Variants in MYT1L observed in about 807,000 individuals in gnomAD.
MYT1L encodes the protein myelin transcription factor 1 like.
MYT1L carries 12 observed loss-of-function variants against 126.7 expected under a neutral mutation model. That is an observed-to-expected ratio of 0.09 (90% CI 0.06 to 0.15). The LOEUF (loss-of-function observed/expected upper bound fraction) is 0.15, where lower values mean the gene tolerates loss of function less well. Among genes scored for constraint, MYT1L ranks in the 10% least tolerant of loss-of-function variants. The pLI, the probability that MYT1L is intolerant of heterozygous loss-of-function variation, is 1.00. For missense variants in MYT1L, 979 were observed against 1,585.2 expected (o/e 0.62, Z 6.49); for synonymous variants, 541 against 604.2 (o/e 0.90, Z 1.53).
At chr2:2,015,925 G>A (rs185246682) in intron 4 of MYT1L, among the ~76,000 whole-genome samples, 39 of 152,310 alleles carry the variant, frequency 2.6e-4, no homozygotes, top group African/African-American at 8.9e-4. Flanking sequence ...GGGACTCCCA[G>A]GTCAGGAGGC....
In MYT1L at chr2:2,311,929, C is replaced by T. The variant is rs75587223; in HGVS notation, c.-521+19038G>A. 3.3e-5 allele frequency among the ~76,000 whole-genome samples: 5 copies of T among 152,324 alleles called. No individual in the cohort carries two copies. In the East Asian group the frequency reaches 9.6e-4, roughly 29 times the overall value. ...CATTTCTTTGCCACATTTAGGTCCT[C>T]CACCTACCTCACAGAGTGCAAATGA... On this transcript the variant is annotated intron_variant, in intron 1 of 24. Coordinates refer to ENST00000647738, the MANE Select transcript of MYT1L (RefSeq NM_001303052.2).
chr2:2,072,190 G>A (rs1039068429), intron 3 of MYT1L, among the ~76,000 whole-genome samples: 4 of 152,136 alleles, frequency 2.6e-5, no homozygotes, highest in African/African-American at 9.7e-5. Flanking sequence ...TATGTCTTTG[G>A]TGGGCTCTTG....
At chr2:2,257,805 T>C (rs2094860145) in intron 2 of MYT1L, among the ~76,000 whole-genome samples, 1 of 150,454 alleles carries the variant, frequency 6.6e-6, no homozygotes, top group Non-Finnish European at 1.5e-5. Context: ...ATCGTGAAAA[T>C]GGCCATACTG....
In MYT1L at chr2:1,914,057, C is replaced by T. The variant is rs2052457103; in HGVS notation, c.1619-1947G>A. 2.6e-5 allele frequency among the ~76,000 whole-genome samples: 4 copies of T among 152,182 alleles called. No individual in the cohort carries two copies. The South Asian group carries it at 8.3e-4, about 32-fold the overall frequency. ...GATCACAAGGTCAGGAGTTCGAGAC[C>T]AGCCTCACCAATATGGTGAAACCCC... On this transcript the variant is annotated intron_variant, in intron 11 of 24. Coordinates refer to ENST00000647738, the MANE Select transcript of MYT1L (RefSeq NM_001303052.2).
At position 2,217,693 on chromosome 2, in the gene MYT1L, ACAAC is replaced by A. The variant is rs1193562208; in HGVS notation, c.-420-44709_-420-44706del. Among the ~76,000 whole-genome samples, 54 of 106,302 alleles carry A rather than the reference ACAAC, an allele frequency of 5.1e-4. 2 individuals carry two copies. Among genetic ancestry groups the A allele is most frequent in the African/African-American group, 2.1e-3 (51 of 24,068 alleles). The allele number at this position is 106,302 out of a possible 152,430, so 69.7% of individuals were successfully genotyped here. A position where few individuals can be genotyped will look rare whatever the true frequency, so the allele number is the denominator to read the frequency against. Reference sequence around the variant, plus strand: ...CTCAACAACAACAACAACAACAACAACAACAACAACAACAAAAAAAAAAAAAGAA... The same window carrying A: ...CTCAACAACAACAACAACAACAACAAAACAACAACAAAAAAAAAAAAAGAA... On this transcript the variant is annotated intron_variant, in intron 2 of 24. Transcript: ENST00000647738.
intron 1 of MYT1L, among the ~76,000 whole-genome samples, chr2:2,328,011 C>T (rs1204939167): frequency 2.0e-5 from 3 of 152,046 alleles, no homozygotes; most frequent in Non-Finnish European, 4.4e-5. Flanking sequence ...ATGCATGTGA[C>T]TTTGAAAACA....
chr2:2,284,196 A>G (rs1573155146), intron 2 of MYT1L, among the ~76,000 whole-genome samples: 1 of 152,206 alleles, frequency 6.6e-6, no homozygotes, highest in East Asian at 1.9e-4. Flanking sequence ...GTCATAGTTG[A>G]TGTATGAATT....
rs116726256 is a variant in MYT1L, at chr2:1,851,346, T to C, written c.2774+295A>G. ...ATAGTAGATACTGTTCTTTTGCCTT[T>C]ACTCTTCCAATTTAGAAAGAAGTGC... On this transcript the variant is annotated intron_variant, in intron 19 of 24. Coordinates refer to ENST00000647738, the MANE Select transcript of MYT1L (RefSeq NM_001303052.2). Among the ~76,000 whole-genome samples, 2,323 of 152,284 alleles carry C rather than the reference T, an allele frequency of 0.015. 35 individuals carry two copies. The highest frequency in any genetic ancestry group is 0.021 in the Non-Finnish European group (1,399 of 68,030).
chr2:1,962,331 A>C (rs1240670715), intron 8 of MYT1L, among the ~76,000 whole-genome samples: 2 of 152,246 alleles, frequency 1.3e-5, no homozygotes, highest in African/African-American at 4.8e-5. Flanking sequence ...TAAATGTGAA[A>C]TAGTGTTATG....
intron 3 of MYT1L, among the ~76,000 whole-genome samples, chr2:2,147,141 G>A (rs2085008000): frequency 6.6e-6 from 1 of 152,228 alleles, no homozygotes; most frequent in Non-Finnish European, 1.5e-5. Flanking sequence ...AAATCTCTCA[G>A]ACAGGCATTT....
intron 4 of MYT1L, among the ~76,000 whole-genome samples, chr2:2,016,682 T>C (rs1482319421): frequency 6.6e-6 from 1 of 152,102 alleles, no homozygotes; most frequent in African/African-American, 2.4e-5. Flanking sequence ...ATATTTAGAA[T>C]CAAGAGGGAG....
At chr2:2,327,490 A>T (rs1573624020) in intron 1 of MYT1L, among the ~76,000 whole-genome samples, 1 of 144,072 alleles carries the variant, frequency 6.9e-6, no homozygotes, top group South Asian at 2.5e-4. Context: ...TATTCAAAAA[A>T]AGAACTCTTA....
intron 2 of MYT1L, among the ~76,000 whole-genome samples, chr2:2,232,152 A>C (rs933154564): frequency 6.6e-6 from 1 of 152,364 alleles, no homozygotes; most frequent in South Asian, 2.1e-4. Flanking sequence ...GAAAGAGTGA[A>C]GAAAGGATGC....
intron 2 of MYT1L, among the ~76,000 whole-genome samples, chr2:2,187,450 G>T (rs1399589407): frequency 1.3e-5 from 2 of 151,936 alleles, no homozygotes; most frequent in East Asian, 3.9e-4. Flanking sequence ...CGCGTGCGGG[G>T]CTGGCTGCTG....
Position 1,985,052 on chromosome 2 carries a change from T to G in MYT1L, c.1-5275A>C, listed in dbSNP as rs2060907573. The stretch of plus-strand genomic sequence containing the variant: ...CTTGCAGGAACAGGACATGGGGGCT[T>G]GGACTGCAGGCTGGGTTACGGACAG... On this transcript the variant is annotated intron_variant, in intron 5 of 24. Coordinates refer to ENST00000647738, the MANE Select transcript of MYT1L (RefSeq NM_001303052.2). Among the ~76,000 whole-genome samples the G allele has an allele frequency of 3.3e-5, 5 of 152,236 alleles. No homozygotes were observed. The South Asian group carries it at 1.0e-3, about 32-fold the overall frequency.
rs546287100 is a variant in MYT1L at position 1,955,717 on chromosome 2, GC to G, written c.153-12384del. On this transcript the variant is annotated intron_variant, in intron 8 of 24. Coordinates refer to ENST00000647738, the MANE Select transcript of MYT1L (RefSeq NM_001303052.2). ...CTGTGGCAATGGTCAGTTACAAGCT[GC>G]CATGTCTGCACTTTTTTGTTGAAGC... Among the ~76,000 whole-genome samples the G allele has an allele frequency of 1.4e-3, 214 of 152,318 alleles. 1 individual carries two copies. Among genetic ancestry groups the G allele is most frequent in the African/African-American group, 4.9e-3 (203 of 41,574 alleles).
intron 2 of MYT1L, among the ~76,000 whole-genome samples, chr2:2,277,056 A>G (rs1265197039): frequency 6.6e-6 from 1 of 151,526 alleles, no homozygotes; most frequent in African/African-American, 2.4e-5. Flanking sequence ...ATCTTAGCTC[A>G]CTGCAACCTC....
intron 2 of MYT1L, among the ~76,000 whole-genome samples, chr2:2,197,864 C>T (rs2092889617): frequency 6.8e-6 from 1 of 147,114 alleles, no homozygotes; most frequent in South Asian, 2.1e-4. Context: ...CTAACATACA[C>T]ACATATATAC....
chr2:2,120,379 G>A (rs1043558261), intron 3 of MYT1L, among the ~76,000 whole-genome samples: 1 of 152,060 alleles, frequency 6.6e-6, no homozygotes, highest in African/African-American at 2.4e-5. Flanking sequence ...AATGCATAAT[G>A]TGATGACTAT....
Sources: allele counts gnomAD v4.1 joint callset (sites outside exome capture counted in the v4.1 genomes callset), GRCh38; gene constraint gnomAD v4.1.1; transcripts MANE v1.5; gene names NCBI Gene and HGNC (gene_info 2026-07-23, HGNC 2026-07-21).